CDH18: variants seen among roughly 807,000 people sequenced by gnomAD.
CDH18 encodes the protein cadherin-18.
Under a neutral mutation model 67.9 loss-of-function variants are expected in CDH18, and 31 were observed. That is an observed-to-expected ratio of 0.46 (90% CI 0.34 to 0.62). The LOEUF is 0.62. Ranked by LOEUF, CDH18 falls within the 20% of genes least tolerant of loss-of-function variation. CDH18 has a pLI of 0.01. For synonymous variants in CDH18, 362 were observed against 347.2 expected, an observed-to-expected ratio of 1.04 and a Z score of -0.48; for missense variants, 890 against 975.5, an observed-to-expected ratio of 0.91 and a Z score of 1.17.
intron 2 of CDH18, among the ~76,000 whole-genome samples, chr5:19,932,189 A>G (rs2150202290): frequency 6.6e-6 from 1 of 151,932 alleles, no homozygotes; most frequent in East Asian, 1.9e-4. Flanking sequence ...ACACGTTGGC[A>G]CTTGGAGGAT....
intron 1 of CDH18, among the ~76,000 whole-genome samples, chr5:20,461,891 C>T (rs1223257263): frequency 1.3e-5 from 2 of 151,922 alleles, no homozygotes; most frequent in African/African-American, 2.4e-5. Context: ...TAGTATCAAA[C>T]GAAAAGGGCT....
intron 1 of CDH18, among the ~76,000 whole-genome samples, chr5:20,299,588 G>A (rs1211336452): frequency 5.9e-5 from 9 of 151,674 alleles, no homozygotes; most frequent in Non-Finnish European, 1.2e-4. Flanking sequence ...GTGAAACCCC[G>A]TCTCTACTAA....
intron 12 of CDH18, among the ~76,000 whole-genome samples, chr5:19,477,445 G>C (rs1738672677): frequency 6.6e-6 from 1 of 151,702 alleles, no homozygotes; most frequent in Non-Finnish European, 1.5e-5. Context: ...ATTGTGTTAA[G>C]TGAATTACCC....
intron 1 of CDH18, among the ~76,000 whole-genome samples, chr5:20,333,505 C>A (rs961963352): frequency 6.5e-4 from 76 of 116,152 alleles, no homozygotes; most frequent in Admixed American, 9.0e-4. Flanking sequence ...GACTCCATCT[C>A]AAAAAAAAAA....
intron 5 of CDH18, among the ~76,000 whole-genome samples, chr5:19,649,690 C>T (rs1755286166): frequency 6.6e-6 from 1 of 151,884 alleles, no homozygotes; most frequent in Non-Finnish European, 1.5e-5. Context: ...AAATTCTCAT[C>T]AAAAAGGTCT....
At chr5:19,533,385 A>C (rs1748951527) in intron 9 of CDH18, among the ~76,000 whole-genome samples, 1 of 151,172 alleles carries the variant, frequency 6.6e-6, no homozygotes, top group Admixed American at 6.6e-5. Context: ...GTCTTGTTAG[A>C]ATGGATTTAA....
chr5:20,530,195 C>G (rs1366500480), intron 1 of CDH18, among the ~76,000 whole-genome samples: 1 of 151,852 alleles, frequency 6.6e-6, no homozygotes, highest in Non-Finnish European at 1.5e-5. Context: ...AGTGAAGGAC[C>G]TCTTCAAGAA....
rs59083214 is a variant in CDH18 at position 20,336,724 on chromosome 5, C to CAAAAAAAAAAAAAA, written c.-579-81233_-579-81220dup. On this transcript the variant is annotated intron_variant, in intron 1 of 14. Transcript: ENST00000507958. Reference sequence around the variant, plus strand: ...GGCAACAGAGAGGGAGCCTCTGTCTCAAAAAAAAAAAAAAAAAAAAAAAAA... The same window carrying CAAAAAAAAAAAAAA: ...GGCAACAGAGAGGGAGCCTCTGTCTCAAAAAAAAAAAAAAAAAAAAAAAAAAAAAAAAAAAAAAA... Among the ~76,000 whole-genome samples the CAAAAAAAAAAAAAA allele has an allele frequency of 2.0e-3, 129 of 63,470 alleles. 9 individuals are homozygous for CAAAAAAAAAAAAAA. Among genetic ancestry groups the CAAAAAAAAAAAAAA allele is most frequent in the Middle Eastern group, 0.015 (1 of 66 alleles). The allele number at this position is 63,470 out of a possible 152,430, so 41.6% of individuals were successfully genotyped here. A position where few individuals can be genotyped will look rare whatever the true frequency, so the allele number is the denominator to read the frequency against.
chr5:20,428,907 A>G (rs937741259), intron 1 of CDH18, among the ~76,000 whole-genome samples: 6 of 152,164 alleles, frequency 3.9e-5, no homozygotes, highest in African/African-American at 1.4e-4. Flanking sequence ...TGAATTTCCC[A>G]TCATCCAGAT....
intron 9 of CDH18, among the ~76,000 whole-genome samples, chr5:19,529,682 T>A (rs1474817829): frequency 2.6e-5 from 4 of 152,076 alleles, no homozygotes. Flanking sequence ...AGAATGAAAG[T>A]AAAGGAAGAT....
At chr5:19,836,558 C>G (rs2150015165) in intron 3 of CDH18, among the ~76,000 whole-genome samples, 1 of 152,160 alleles carries the variant, frequency 6.6e-6, no homozygotes, top group South Asian at 2.1e-4. Flanking sequence ...TTTGTAGATT[C>G]TGGATATTAA....
intron 2 of CDH18, among the ~76,000 whole-genome samples, chr5:20,238,358 T>A (rs1742632600): frequency 1.3e-5 from 2 of 152,130 alleles, no homozygotes; most frequent in Non-Finnish European, 2.9e-5. Context: ...GTATTCAGAA[T>A]TTAAATAGAA....
At chr5:20,047,928 C>G (rs1475244354) in intron 2 of CDH18, among the ~76,000 whole-genome samples, 1 of 151,724 alleles carries the variant, frequency 6.6e-6, no homozygotes, top group African/African-American at 2.4e-5. Flanking sequence ...TTTAGTGAGA[C>G]TTTGTTTCAG....
chr5:20,295,927 A>G (rs1371696606), intron 1 of CDH18, among the ~76,000 whole-genome samples: 2 of 129,380 alleles, frequency 1.5e-5, no homozygotes, highest in African/African-American at 6.0e-5. Context: ...GCTGGAGTGC[A>G]GTGGCGCAAT....
chr5:20,279,322 A>T (rs1384095229), intron 1 of CDH18, among the ~76,000 whole-genome samples: 5 of 152,192 alleles, frequency 3.3e-5, no homozygotes, highest in Non-Finnish European at 7.3e-5. Flanking sequence ...TTATGTAATG[A>T]TCAGAAAGTC....
chr5:20,008,385 A>G (rs1440980021), intron 2 of CDH18, among the ~76,000 whole-genome samples: 2 of 152,126 alleles, frequency 1.3e-5, no homozygotes, highest in Non-Finnish European at 2.9e-5. Flanking sequence ...CATTTCCACT[A>G]TTCTGTCAGC....
intron 1 of CDH18, among the ~76,000 whole-genome samples, chr5:20,274,562 T>C (rs1056331825): frequency 7.2e-5 from 11 of 152,154 alleles, no homozygotes; most frequent in African/African-American, 2.7e-4. Flanking sequence ...TGAGTACATA[T>C]GTCAATAATT....
chr5:20,527,872 G>C (rs569689450), intron 1 of CDH18, among the ~76,000 whole-genome samples: 2 of 152,138 alleles, frequency 1.3e-5, no homozygotes, highest in South Asian at 4.1e-4. Flanking sequence ...AAATTAATCA[G>C]TCAGCATTAT....
intron 2 of CDH18, among the ~76,000 whole-genome samples, chr5:20,078,560 G>A (rs117859972): frequency 4.1e-4 from 63 of 151,870 alleles, no homozygotes; most frequent in African/African-American, 1.4e-3. Flanking sequence ...CAATAGATTA[G>A]AGAAAACTTA....
Sources: gnomAD v4.1 joint callset for allele counts (sites outside exome capture counted in the v4.1 genomes callset) on GRCh38, gnomAD v4.1.1 for gene constraint, MANE v1.5 for transcripts, NCBI Gene and HGNC (gene_info 2026-07-23, HGNC 2026-07-21) for gene names.